COG8: variants seen among roughly 807,000 people sequenced by gnomAD.
COG8 encodes conserved oligomeric Golgi complex subunit 8.
COG8 carries 45 observed loss-of-function variants against 46.5 expected under a neutral mutation model. The observed-to-expected ratio is 0.97, with a 90% confidence interval of 0.76 to 1.24. COG8 has a LOEUF of 1.24. COG8 is among the 50% of genes most tolerant of loss of function. The pLI is 0.00. For synonymous variants in COG8, 407 were observed against 347.8 expected (o/e 1.17, Z -1.90); for missense variants, 793 against 820.8 (o/e 0.97, Z 0.41).
In COG8 at chr16:69,328,727, G is replaced by T; in HGVS notation, c.*479C>A. 1 of 363,924 alleles carries T rather than the reference G, an allele frequency of 2.7e-6. No homozygotes were observed. Among genetic ancestry groups the T allele is most frequent in the Non-Finnish European group, 5.0e-6 (1 of 201,904 alleles). The allele number at this position is 363,924 out of a possible 1,614,324, so 22.5% of individuals were successfully genotyped here. On this transcript the variant is annotated 3_prime_UTR_variant, in exon 6 of 6. Transcript: ENST00000306875. ...GAGATTATACAGGTCCGAGGAACTC[G>T]TGTCTACTGCAGACGAATGCAATTA...
chr16:69,336,465 A>T, intron 2 of COG8, 40 bp downstream of exon 2: 1 of 1,583,462 alleles, frequency 6.3e-7, no homozygotes, highest in Non-Finnish European at 8.7e-7. Context: ...AAATGATTAC[A>T]AGAACATTAC....
chr16:69,332,344 G>A (rs961637493), intron 4 of COG8, among the ~76,000 whole-genome samples: 12 of 150,072 alleles, frequency 8.0e-5, no homozygotes, highest in African/African-American at 1.7e-4. Context: ...GCGAGACTCC[G>A]CCTCAAAAAA....
chr16:69,336,592 G>A lies in COG8; in HGVS notation c.498C>T (p.Val166=). 1 of 1,614,168 alleles carries A rather than the reference G, an allele frequency of 6.2e-7. No individual in the cohort carries two copies. The highest frequency in any genetic ancestry group is 8.5e-7 in the Non-Finnish European group (1 of 1,180,032). ...LEIPQLMDTC[V]RNSYYEEALE... ...GGGCCTCTTCATAATAACTGTTCCGGACACAGGTGTCCATGAGCTGAGGAA... is the reference window on the plus strand; with the variant it reads ...GGGCCTCTTCATAATAACTGTTCCGAACACAGGTGTCCATGAGCTGAGGAA... Residue 166 remains valine (V), a synonymous_variant, in exon 2 of 6, where the codon GTC becomes GTT. Transcript: ENST00000306875.
In COG8 at chr16:69,328,741, C is replaced by T. The variant is rs528588715; in HGVS notation, c.*465G>A. On this transcript the variant is annotated 3_prime_UTR_variant, in exon 6 of 6. Transcript: ENST00000306875. ...CCGAGGAACTCGTGTCTACTGCAGA[C>T]GAATGCAATTACCCCACCTTCCTCC... is the stretch of plus-strand genomic sequence containing the variant. 9.8e-5 allele frequency: 40 copies of T among 408,358 alleles called. No homozygotes were observed. The highest frequency in any genetic ancestry group is 6.8e-4 in the African/African-American group (32 of 47,122). The allele number at this position is 408,358 out of a possible 1,614,324, so 25.3% of individuals were successfully genotyped here.
At chr16:69,331,877 T>G (rs765523886) in intron 4 of COG8, among the ~76,000 whole-genome samples, 1 of 152,132 alleles carries the variant, frequency 6.6e-6, no homozygotes, top group Non-Finnish European at 1.5e-5. Context: ...AAGCAGAACG[T>G]AACGGAACAG....
At chr16:69,333,918 TAATC>T (rs1224460740) in intron 3 of COG8, among the ~76,000 whole-genome samples, 1 of 152,222 alleles carries the variant, frequency 6.6e-6, no homozygotes, top group Non-Finnish European at 1.5e-5. Context: ...TCATCTGACT[TAATC>T]AAATGAAGTT....
Position 69,330,099 on chromosome 16 carries a change from G to C in COG8, c.*26+714C>G, listed in dbSNP as rs763088076. ...ACCAGGCGGCTGTCAAGCACTCGCA[G>C]GCTGGGGTTCACGAACACGCGCAGG... On this transcript the variant is annotated intron_variant, in intron 5 of 5. Coordinates refer to ENST00000306875, the MANE Select transcript of COG8 (RefSeq NM_032382.5). 5 of 1,581,238 alleles carry C rather than the reference G, an allele frequency of 3.2e-6. No individual in the cohort carries two copies. Among genetic ancestry groups the C allele is most frequent in the Non-Finnish European group, 4.3e-6 (5 of 1,166,258 alleles).
In COG8 at chr16:69,330,897, G is replaced by A; in HGVS notation, c.1781C>T (p.Ala594Val). The change falls in exon 5 of 6, where the codon GCC (alanine) becomes GTC (valine). Residue 594 changes from alanine to valine, a missense_variant. By Grantham distance (64) the Ala-to-Val change is moderately conservative (BLOSUM62 0). Coordinates refer to ENST00000306875, the MANE Select transcript of COG8 (RefSeq NM_032382.5). ...EEPRLEPAGP[A>V]CPEGGRAETQ... ...CTCCGCTCGCCCTCCCTCCGGGCAG[G>A]CTGGGCCCGCGGGCTCCAGGCGTGG... is the stretch of plus-strand genomic sequence containing the variant. The A allele has an allele frequency of 1.3e-6, 2 of 1,551,064 alleles. No homozygotes were observed. Among genetic ancestry groups the A allele is most frequent in the South Asian group, 1.2e-5 (1 of 84,370 alleles).
rs540091363 is a variant in COG8, at chr16:69,336,749, T to C, written c.378-37A>G. ...CAGAAGAATGTTGATCCTTCACTGC[T>C]CTGTACCCAAACCTTAGCTACAGTT... On this transcript the variant is annotated intron_variant, in intron 1 of 5. Coordinates refer to ENST00000306875, the MANE Select transcript of COG8 (RefSeq NM_032382.5). 4 of 1,575,866 alleles carry C rather than the reference T, an allele frequency of 2.5e-6. No homozygotes were observed. In the East Asian group the frequency reaches 9.0e-5, roughly 35 times the overall value.
intron 2 of COG8, among the ~76,000 whole-genome samples, chr16:69,335,861 T>C (rs759938090): frequency 1.7e-4 from 26 of 151,466 alleles, no homozygotes; most frequent in Middle Eastern, 3.4e-3. Context: ...CTCCAGTGAC[T>C]TCCCACTGCA....
At chr16:69,336,459 G>C in intron 2 of COG8, 46 bp downstream of exon 2, 1 of 1,569,412 alleles carries the variant, frequency 6.4e-7, no homozygotes, top group Non-Finnish European at 8.8e-7. Flanking sequence ...CAGAATAAAT[G>C]ATTACAAGAA....
At chr16:69,333,172 T>G (rs1034172247) in intron 3 of COG8, among the ~76,000 whole-genome samples, 21 of 150,922 alleles carry the variant, frequency 1.4e-4, no homozygotes, top group Admixed American at 9.2e-4. Context: ...TTTGGTTTTT[T>G]TTTTTTTTTT....
At chr16:69,329,864 C>T in intron 5 of COG8, 2 of 1,189,338 alleles carry the variant, frequency 1.7e-6, no homozygotes, top group Non-Finnish European at 2.2e-6. Flanking sequence ...CCTGAGGCCT[C>T]TCCGCTCCCG....
In COG8 at chr16:69,328,663, G is replaced by A. The variant is rs1023987175; in HGVS notation, c.*543C>T. 11 of 221,394 alleles carry A rather than the reference G, an allele frequency of 5.0e-5. No individual in the cohort carries two copies. The highest frequency in any genetic ancestry group is 1.9e-4 in the Admixed American group (3 of 16,038). 13.7% of individuals were successfully genotyped at this position (221,394 alleles called of 1,614,324 possible). ...CTGCATTTTTAAAGACAGCTTTCAG[G>A]TATTTGGGGACTACATTATTACCAA... On this transcript the variant is annotated 3_prime_UTR_variant, in exon 6 of 6. Transcript: ENST00000306875.
intron 4 of COG8, 32 bp downstream of exon 4, chr16:69,332,682 T>C (rs1271049063): frequency 6.3e-7 from 1 of 1,584,000 alleles, no homozygotes. Flanking sequence ...TACACATCAG[T>C]AAGGCAGTTT....
intron 2 of COG8, 41 bp from the exon 3 acceptor site, chr16:69,335,389 T>A (rs2012154262): frequency 6.7e-7 from 1 of 1,492,014 alleles, no homozygotes; most frequent in East Asian, 2.4e-5. Context: ...CTGGGAAGGA[T>A]GCTCTCTAGA....
intron 5 of COG8, chr16:69,330,434 C>T: frequency 6.8e-7 from 1 of 1,472,860 alleles, no homozygotes; most frequent in Non-Finnish European, 8.9e-7. Context: ...CCAATAGGAG[C>T]GCCGCAGCGC....
At chr16:69,339,030 A>T in intron 1 of COG8, 146 bp downstream of exon 1, 1 of 1,092,572 alleles carries the variant, frequency 9.2e-7, no homozygotes, top group South Asian at 1.4e-5. Context: ...CCTATCTCGA[A>T]GGCTGTTGTG....
In COG8 at chr16:69,334,510, A is replaced by C. The variant is rs754678122; in HGVS notation, c.1413+11T>G. ...GCCCAGGGTAGCAGAAAACCAACAGAATGTGCTCACCTTGGCAAGGGCATC... is the reference window on the plus strand; with the variant it reads ...GCCCAGGGTAGCAGAAAACCAACAGCATGTGCTCACCTTGGCAAGGGCATC... On this transcript the variant is annotated intron_variant, in intron 3 of 5. Transcript: ENST00000306875. 1 of 1,612,602 alleles carries C rather than the reference A, an allele frequency of 6.2e-7. No individual in the cohort carries two copies. The highest frequency in any genetic ancestry group is 2.2e-5 in the East Asian group (1 of 44,862).
Sources: allele counts gnomAD v4.1 joint callset (sites outside exome capture counted in the v4.1 genomes callset), GRCh38; gene constraint gnomAD v4.1.1; transcripts MANE v1.5; gene names NCBI Gene and HGNC (gene_info 2026-07-23, HGNC 2026-07-21).